Variants in FHIT observed in about 807,000 individuals in gnomAD.
The protein encoded by FHIT is bis(5'-adenosyl)-triphosphatase.
Under a neutral mutation model 17.9 loss-of-function variants are expected in FHIT, and 19 were observed. The ratio of observed to expected loss-of-function variants is 1.06; its 90% CI spans 0.74 to 1.56. The LOEUF is 1.56. Ranked by LOEUF, FHIT falls within the 40% of genes most tolerant of loss-of-function variation. The pLI is 0.00. For synonymous variants in FHIT, 81 were observed against 69.7 expected, an observed-to-expected ratio of 1.16 and a Z score of -0.81; for missense variants, 248 against 189.2, an observed-to-expected ratio of 1.31 and a Z score of -1.82.
chr3:60,598,235 G>A (rs1202236561), intron 4 of FHIT, among the ~76,000 whole-genome samples: 1 of 152,050 alleles, frequency 6.6e-6, no homozygotes, highest in African/African-American at 2.4e-5. Flanking sequence ...GGATACAGCT[G>A]AATAAATGTG....
chr3:59,963,889 T>C (rs1026019743), intron 7 of FHIT, among the ~76,000 whole-genome samples: 5 of 152,334 alleles, frequency 3.3e-5, no homozygotes, highest in Middle Eastern at 3.4e-3. Flanking sequence ...ATGTTGGATG[T>C]AAACTAATAA....
chr3:59,917,058 A>T (rs1270104182), intron 8 of FHIT, among the ~76,000 whole-genome samples: 1 of 152,246 alleles, frequency 6.6e-6, no homozygotes, highest in Non-Finnish European at 1.5e-5. Context: ...CGTGTGAAAG[A>T]GATCCAAGTT....
chr3:59,976,801 C>A (rs1433012267), intron 7 of FHIT, among the ~76,000 whole-genome samples: 1 of 152,128 alleles, frequency 6.6e-6, no homozygotes, highest in Non-Finnish European at 1.5e-5. Flanking sequence ...AATAATATCT[C>A]CTCCTCCTTC....
chr3:59,761,888 G>A (rs550602520), intron 8 of FHIT, among the ~76,000 whole-genome samples: 2 of 152,188 alleles, frequency 1.3e-5, no homozygotes, highest in South Asian at 4.1e-4. Context: ...GAGCCACCGC[G>A]CCCTACCAGC....
intron 1 of FHIT, among the ~76,000 whole-genome samples, chr3:61,238,647 A>G (rs1348230687): frequency 6.6e-6 from 1 of 152,240 alleles, no homozygotes; most frequent in African/African-American, 2.4e-5. Context: ...TCCTCTTTAC[A>G]GCCAGTTTTT....
At chr3:60,166,758 T>C (rs1701192545) in intron 5 of FHIT, among the ~76,000 whole-genome samples, 1 of 152,186 alleles carries the variant, frequency 6.6e-6, no homozygotes, top group Non-Finnish European at 1.5e-5. Context: ...AGCATATTTT[T>C]GTTTTCTCTT....
intron 5 of FHIT, among the ~76,000 whole-genome samples, chr3:60,027,444 C>T (rs1165354503): frequency 6.6e-6 from 1 of 152,086 alleles, no homozygotes; most frequent in African/African-American, 2.4e-5. Flanking sequence ...AATCAGACAT[C>T]GGCCCCATAA....
In FHIT at chr3:60,530,310, T is replaced by A. The variant is rs118180367; in HGVS notation, c.103+6550A>T. The stretch of plus-strand genomic sequence containing the variant: ...TCTAGATGAGGTCTAGAGACCAACA[T>A]GTACATGCCTCAGGAACAGTGTTTC... On this transcript the variant is annotated intron_variant, in intron 5 of 9. Coordinates refer to ENST00000492590, the MANE Select transcript of FHIT (RefSeq NM_002012.4). Among the ~76,000 whole-genome samples, 213 of 152,254 alleles carry A rather than the reference T, an allele frequency of 1.4e-3. 3 individuals are homozygous for A. In the East Asian group the frequency reaches 0.037, roughly 26 times the overall value.
chr3:59,802,330 A>G (rs1251088458), intron 8 of FHIT, among the ~76,000 whole-genome samples: 2 of 151,872 alleles, frequency 1.3e-5, no homozygotes, highest in African/African-American at 4.8e-5. Flanking sequence ...TCCTTGGCCC[A>G]TTTCTCTTAA....
At chr3:61,193,916 C>T (rs1292869552) in intron 2 of FHIT, among the ~76,000 whole-genome samples, 2 of 152,082 alleles carry the variant, frequency 1.3e-5, no homozygotes, top group Non-Finnish European at 2.9e-5. Context: ...AGCAGCCTTC[C>T]GAAATGAAGA....
chr3:60,938,585 C>A (rs1708288143), intron 3 of FHIT, among the ~76,000 whole-genome samples: 1 of 152,178 alleles, frequency 6.6e-6, no homozygotes, highest in African/African-American at 2.4e-5. Context: ...CCTAATCAGG[C>A]AGCAATCTGA....
intron 2 of FHIT, among the ~76,000 whole-genome samples, chr3:61,126,156 C>T (rs1019817050): frequency 6.6e-6 from 1 of 152,090 alleles, no homozygotes; most frequent in Non-Finnish European, 1.5e-5. Flanking sequence ...GCTATATTTT[C>T]ACTCATTTTC....
chr3:60,031,282 A>G (rs1575931599), intron 5 of FHIT, among the ~76,000 whole-genome samples: 1 of 152,340 alleles, frequency 6.6e-6, no homozygotes, highest in African/African-American at 2.4e-5. Context: ...GCCACCAGGA[A>G]CAGCCTATAG....
chr3:60,177,083 C>G (rs138704191), intron 5 of FHIT, among the ~76,000 whole-genome samples: 128 of 151,996 alleles, frequency 8.4e-4, no homozygotes, highest in Middle Eastern at 6.8e-3. Context: ...AAAATCTGTG[C>G]GAAAGAGCAT....
intron 5 of FHIT, among the ~76,000 whole-genome samples, chr3:60,346,037 C>G (rs932720403): frequency 3.9e-5 from 6 of 152,166 alleles, no homozygotes; most frequent in Non-Finnish European, 7.3e-5. Context: ...GATTTCATTT[C>G]CACCATCAAT....
intron 2 of FHIT, among the ~76,000 whole-genome samples, chr3:61,076,651 C>T (rs1226809887): frequency 1.3e-5 from 2 of 152,126 alleles, no homozygotes; most frequent in Non-Finnish European, 2.9e-5. Context: ...AAATAAACAT[C>T]TTGTGTATAT....
chr3:61,231,735 C>A (rs2040107331), intron 1 of FHIT, among the ~76,000 whole-genome samples: 1 of 152,092 alleles, frequency 6.6e-6, no homozygotes, highest in Admixed American at 6.5e-5. Flanking sequence ...AGAGTAACAC[C>A]TAGCTGGAGA....
At chr3:61,086,073 C>T (rs780125089) in intron 2 of FHIT, among the ~76,000 whole-genome samples, 3 of 151,948 alleles carry the variant, frequency 2.0e-5, no homozygotes, top group Admixed American at 6.6e-5. Flanking sequence ...TTATTGTTTC[C>T]TTTCAAATGC....
At chr3:60,907,145 CA>C (rs548321154) in intron 3 of FHIT, among the ~76,000 whole-genome samples, 4 of 150,596 alleles carry the variant, frequency 2.7e-5, no homozygotes, top group Middle Eastern at 3.4e-3. Context: ...AAACACAAAA[CA>C]AAAAAAAACC....
Sources: allele counts gnomAD v4.1 joint callset (sites outside exome capture counted in the v4.1 genomes callset), GRCh38; gene constraint gnomAD v4.1.1; transcripts MANE v1.5; gene names NCBI Gene and HGNC (gene_info 2026-07-23, HGNC 2026-07-21).